The following CTNNA3 variants were observed in gnomAD, a reference collection of about 807,000 sequenced individuals.
CTNNA3 encodes the protein catenin alpha-3.
Under a neutral mutation model 95.7 loss-of-function variants are expected in CTNNA3, and 76 were observed. The ratio of observed to expected loss-of-function variants is 0.79; its 90% CI spans 0.66 to 0.96. The LOEUF is 0.96. Among genes scored for constraint, CTNNA3 ranks in the 40% least tolerant of loss-of-function variants. The probability of loss-of-function intolerance (pLI) is 0.00; values close to 1 mark genes in which losing one functional copy is unlikely to be tolerated. For synonymous variants in CTNNA3, 431 were observed against 374.4 expected (o/e 1.15, Z -1.74); for missense variants, 1,191 against 1,089.8 (o/e 1.09, Z -1.31).
At chr10:66,473,629 T>TA (rs1393161637) in intron 11 of CTNNA3, among the ~76,000 whole-genome samples, 1 of 152,078 alleles carries the variant, frequency 6.6e-6, no homozygotes, top group Non-Finnish European at 1.5e-5. Flanking sequence ...ACTCGTCATT[T>TA]ACATTAGGCA....
chr10:67,728,226 G>A lies in CTNNA3; in HGVS notation c.-2+35208C>T, dbSNP rs139910165. The stretch of plus-strand genomic sequence containing the variant: ...CCTAGCACTTTGGGAGGCCAAGGCA[G>A]GAGGATCACTTGATGTCAGGAGTTC... On this transcript the variant is annotated intron_variant, in intron 1 of 17. Transcript: ENST00000684154. Among the ~76,000 whole-genome samples the A allele has an allele frequency of 5.9e-4, 87 of 148,626 alleles. 1 individual carries two copies. Among genetic ancestry groups the A allele is most frequent in the African/African-American group, 2.0e-3 (83 of 40,828 alleles).
At chr10:66,909,689 C>T (rs1400527401) in intron 7 of CTNNA3, among the ~76,000 whole-genome samples, 8 of 152,022 alleles carry the variant, frequency 5.3e-5, no homozygotes, top group African/African-American at 1.7e-4. Context: ...AAAAATACAC[C>T]AGTACTCTGG....
intron 7 of CTNNA3, chr10:66,926,405 TC>T: frequency 1.4e-6 from 1 of 693,932 alleles, no homozygotes; most frequent in Non-Finnish European, 2.6e-6. Flanking sequence ...CTTGGAGTGT[TC>T]TGCGTGGCTG....
rs559235653 is a variant in CTNNA3 at position 66,568,151 on chromosome 10, T to C, written c.1375-47378A>G. Among the ~76,000 whole-genome samples, 5 of 152,290 alleles carry C rather than the reference T, an allele frequency of 3.3e-5. No homozygotes were observed. In the South Asian group the frequency reaches 1.0e-3, roughly 32 times the overall value. ...GACAAAAGAGAGCATAAAGAAGATA[T>C]TAGCCAAGAAGTGATGCTTGACATT... On this transcript the variant is annotated intron_variant, in intron 10 of 17. Transcript: ENST00000433211.
intron 17 of CTNNA3, among the ~76,000 whole-genome samples, chr10:65,959,528 CTT>C (rs777772835): frequency 6.6e-6 from 1 of 152,064 alleles, no homozygotes; most frequent in Non-Finnish European, 1.5e-5. Flanking sequence ...AACCTCCTCC[CTT>C]TTTTAGTGTT....
chr10:65,939,474 A>C (rs947071827), intron 17 of CTNNA3, among the ~76,000 whole-genome samples: 2 of 152,198 alleles, frequency 1.3e-5, no homozygotes, highest in African/African-American at 4.8e-5. Context: ...TCTTATGTTT[A>C]GTTCCTTGAT....
At chr10:67,255,376 A>T (rs1866304952) in intron 5 of CTNNA3, among the ~76,000 whole-genome samples, 1 of 152,018 alleles carries the variant, frequency 6.6e-6, no homozygotes, top group Non-Finnish European at 1.5e-5. Context: ...ACAACTCCAA[A>T]ATTCTCTAAT....
At chr10:67,343,382 C>T (rs967524355) in intron 5 of CTNNA3, among the ~76,000 whole-genome samples, 2 of 152,058 alleles carry the variant, frequency 1.3e-5, no homozygotes, top group Admixed American at 6.5e-5. Context: ...TTTTCCAATC[C>T]ATGAACATGG....
At chr10:66,333,712 T>C (rs1323282625) in intron 12 of CTNNA3, among the ~76,000 whole-genome samples, 3 of 151,554 alleles carry the variant, frequency 2.0e-5, no homozygotes, top group Non-Finnish European at 4.4e-5. Context: ...TCTGTTGATT[T>C]GAGGTGGAGA....
intron 16 of CTNNA3, among the ~76,000 whole-genome samples, chr10:65,979,946 G>C (rs1403628475): frequency 1.3e-5 from 2 of 151,788 alleles, no homozygotes; most frequent in Non-Finnish European, 2.9e-5. Context: ...ATTTCTGCCA[G>C]AGAAGAAAAT....
intron 1 of CTNNA3, among the ~76,000 whole-genome samples, chr10:67,753,572 G>A (rs565476260): frequency 1.1e-4 from 16 of 152,158 alleles, no homozygotes; most frequent in Admixed American, 2.6e-4. Flanking sequence ...TCCCTCTGAC[G>A]AAGGTCTAAT....
intron 5 of CTNNA3, among the ~76,000 whole-genome samples, chr10:67,259,587 A>G (rs910779294): frequency 2.6e-5 from 4 of 152,198 alleles, no homozygotes; most frequent in African/African-American, 9.7e-5. Flanking sequence ...ATAAGATAAT[A>G]TGCATGTGAG....
rs575581771 is a variant in CTNNA3 at position 67,421,703 on chromosome 10, TGAAA to T, written c.579+100135_579+100138del. ...TAAATTATGTTTTTTCATCACGAAA[TGAAA>T]GAAGCTAATCAGATTAATAAGACTT... On this transcript the variant is annotated intron_variant, in intron 5 of 17. Transcript: ENST00000433211. 3.6e-4 allele frequency among the ~76,000 whole-genome samples: 55 copies of T among 152,300 alleles called. No individual in the cohort carries two copies. The East Asian group carries it at 0.01, about 28-fold the overall frequency.
intron 5 of CTNNA3, among the ~76,000 whole-genome samples, chr10:67,364,367 T>C (rs889338828): frequency 1.3e-5 from 2 of 152,286 alleles, no homozygotes; most frequent in African/African-American, 4.8e-5. Context: ...GCCAATATCA[T>C]ACTGAATGGC....
rs1246714246 is a variant in CTNNA3, at chr10:66,547,343, C to CTTTTTTTTTTTTTTTTTTTTTTTTT, written c.1375-26571_1375-26570insAAAAAAAAAAAAAAAAAAAAAAAAA. ...ATTCTTGTTCCTTTGATTTTTCTTT[C>CTTTTTTTTTTTTTTTTTTTTTTTTT]TTTCTTTTTTTTTTTTTTGAGATAG... On this transcript the variant is annotated intron_variant, in intron 10 of 17. Transcript: ENST00000433211. 5.4e-3 allele frequency among the ~76,000 whole-genome samples: 452 copies of CTTTTTTTTTTTTTTTTTTTTTTTTT among 83,164 alleles called. 112 individuals carry two copies. Among genetic ancestry groups the CTTTTTTTTTTTTTTTTTTTTTTTTT allele is most frequent in the East Asian group, 1.0e-2 (23 of 2,302 alleles). The allele number at this position is 83,164 out of a possible 152,430, so 54.6% of individuals were successfully genotyped here.
intron 11 of CTNNA3, among the ~76,000 whole-genome samples, chr10:66,455,977 T>A (rs2093492502): frequency 6.6e-6 from 1 of 152,172 alleles, no homozygotes; most frequent in Admixed American, 6.5e-5. Flanking sequence ...CTCAAAAATT[T>A]GGTATAAATC....
chr10:66,669,686 T>C (rs1846588406), intron 9 of CTNNA3, among the ~76,000 whole-genome samples: 1 of 152,190 alleles, frequency 6.6e-6, no homozygotes, highest in African/African-American at 2.4e-5. Flanking sequence ...GGGTGGAGGA[T>C]GGGACAGGAA....
At chr10:67,248,091 G>A (rs913757475) in intron 5 of CTNNA3, among the ~76,000 whole-genome samples, 3 of 152,136 alleles carry the variant, frequency 2.0e-5, no homozygotes, top group Admixed American at 6.6e-5. Context: ...GAAGCTCACG[G>A]CAGGTGGATC....
intron 10 of CTNNA3, among the ~76,000 whole-genome samples, chr10:66,612,334 G>A (rs1353607089): frequency 3.9e-5 from 6 of 151,982 alleles, no homozygotes; most frequent in Admixed American, 1.3e-4. Context: ...TCAATCTTCC[G>A]AAAGCACAGC....
Sources: allele counts gnomAD v4.1 joint callset (sites outside exome capture counted in the v4.1 genomes callset), GRCh38; gene constraint gnomAD v4.1.1; transcripts MANE v1.5; gene names NCBI Gene and HGNC (gene_info 2026-07-23, HGNC 2026-07-21).